RBPJ: variants seen among roughly 807,000 people sequenced by gnomAD.
RBPJ encodes the protein recombining binding protein suppressor of hairless.
In RBPJ, 9 loss-of-function variants were observed where a neutral mutation model predicts 67.8. The ratio of observed to expected loss-of-function variants is 0.13; its 90% CI spans 0.08 to 0.23. The LOEUF is 0.23. RBPJ is among the 10% of genes least tolerant of loss of function. The pLI is 1.00. For missense variants in RBPJ, 305 were observed against 595.6 expected (o/e 0.51, Z 5.08); for synonymous variants, 198 against 203.3 (o/e 0.97, Z 0.22).
intron 1 of RBPJ, among the ~76,000 whole-genome samples, chr4:26,174,193 C>A (rs1199723963): frequency 6.6e-6 from 1 of 152,212 alleles, no homozygotes; most frequent in African/African-American, 2.4e-5. Context: ...TGAACTCAGA[C>A]AGCTCGGGCT....
chr4:26,240,383 C>A (rs1373855801), intron 1 of RBPJ, among the ~76,000 whole-genome samples: 1 of 152,160 alleles, frequency 6.6e-6, no homozygotes, highest in Non-Finnish European at 1.5e-5. Flanking sequence ...CTAAACTATA[C>A]CCTCCTCTCC....
At chr4:26,223,337 A>G (rs1284670579) in intron 1 of RBPJ, among the ~76,000 whole-genome samples, 1 of 152,186 alleles carries the variant, frequency 6.6e-6, no homozygotes, top group Non-Finnish European at 1.5e-5. Flanking sequence ...ATGAACAGAT[A>G]GGAATGTACA....
intron 1 of RBPJ, among the ~76,000 whole-genome samples, chr4:26,209,877 C>T (rs1718323717): frequency 6.7e-6 from 1 of 148,238 alleles, no homozygotes; most frequent in South Asian, 2.1e-4. Flanking sequence ...CCCTCTCTCC[C>T]TTCCTTGCTT....
At chr4:26,165,221 C>G (rs759723214) in intron 1 of RBPJ, among the ~76,000 whole-genome samples, 12 of 152,186 alleles carry the variant, frequency 7.9e-5, no homozygotes, top group Non-Finnish European at 1.8e-4. Flanking sequence ...GACATCCAAT[C>G]TCAGCCTTAC....
At chr4:26,154,795 T>C in the RBPJ span, among the ~76,000 whole-genome samples, 27 of 152,182 alleles carry the variant, frequency 1.8e-4, no homozygotes, top group Non-Finnish European at 1.2e-4. Context: ...GTGTGTCCCA[T>C]AGCAAGGGAG....
intron 1 of RBPJ, among the ~76,000 whole-genome samples, chr4:26,266,227 G>C (rs1294811174): frequency 6.6e-6 from 1 of 152,114 alleles, no homozygotes; most frequent in Admixed American, 6.5e-5. Context: ...TGGAAAAGAG[G>C]CTTGTTGGAT....
chr4:26,124,461 T>TATATAC, the RBPJ span, among the ~76,000 whole-genome samples: 9 of 121,336 alleles, frequency 7.4e-5, no homozygotes, highest in East Asian at 5.4e-4. Flanking sequence ...TATATATATA[T>TATATAC]ACCAGTTTCT....
intron 1 of RBPJ, among the ~76,000 whole-genome samples, chr4:26,255,588 G>T (rs1304007785): frequency 6.7e-6 from 1 of 149,224 alleles, no homozygotes; most frequent in Non-Finnish European, 1.5e-5. Context: ...GGATCACGAG[G>T]TCGGGAGATC....
At chr4:26,201,814 A>G (rs1717989946) in intron 1 of RBPJ, among the ~76,000 whole-genome samples, 1 of 152,222 alleles carries the variant, frequency 6.6e-6, no homozygotes, top group Admixed American at 6.5e-5. Context: ...CTCTTGGTTT[A>G]TTCTTGCCCC....
At chr4:26,173,792 G>A (rs1234721611) in intron 1 of RBPJ, among the ~76,000 whole-genome samples, 3 of 152,236 alleles carry the variant, frequency 2.0e-5, no homozygotes, top group Non-Finnish European at 4.4e-5. Context: ...CACGGGCTGG[G>A]CACTGGACTA....
At chr4:26,249,552 T>C (rs1316268608) in intron 1 of RBPJ, among the ~76,000 whole-genome samples, 1 of 151,794 alleles carries the variant, frequency 6.6e-6, no homozygotes, top group Non-Finnish European at 1.5e-5. Flanking sequence ...TCCCAGCTAC[T>C]TGGGAGGCTG....
chr4:26,357,563 T>C (rs1174522659), intron 1 of RBPJ, among the ~76,000 whole-genome samples: 1 of 152,222 alleles, frequency 6.6e-6, no homozygotes, highest in Non-Finnish European at 1.5e-5. Context: ...AGTTTATTTA[T>C]TGTAGCAAAA....
intron 1 of RBPJ, among the ~76,000 whole-genome samples, chr4:26,189,309 T>A (rs999137589): frequency 2.0e-5 from 3 of 152,136 alleles, no homozygotes; most frequent in African/African-American, 7.2e-5. Flanking sequence ...AAACTACATC[T>A]CTATACTGCA....
intron 5 of RBPJ, among the ~76,000 whole-genome samples, chr4:26,421,324 A>G (rs1410551120): frequency 1.3e-5 from 2 of 148,626 alleles, no homozygotes; most frequent in African/African-American, 2.5e-5. Context: ...TTTTTTTGAG[A>G]TGGACTCTTA....
At chr4:26,262,743 G>A (rs1560234497) in intron 1 of RBPJ, among the ~76,000 whole-genome samples, 1 of 152,112 alleles carries the variant, frequency 6.6e-6, no homozygotes, top group African/African-American at 2.4e-5. Flanking sequence ...CCTCTATTGA[G>A]CTTTTCAACC....
the RBPJ span, among the ~76,000 whole-genome samples, chr4:26,109,575 CTCTCTA>C: frequency 6.7e-4 from 37 of 55,350 alleles, 3 homozygotes; most frequent in Admixed American, 4.7e-3. Context: ...CTCTCTCTCT[CTCTCTA>C]TATATATATA....
intron 1 of RBPJ, among the ~76,000 whole-genome samples, chr4:26,165,206 A>T (rs1577424090): frequency 6.6e-6 from 1 of 152,204 alleles, no homozygotes; most frequent in Non-Finnish European, 1.5e-5. Flanking sequence ...TAGTACAGAA[A>T]TTTGGACATC....
the RBPJ span, among the ~76,000 whole-genome samples, chr4:26,138,328 C>A: frequency 2.0e-5 from 3 of 152,076 alleles, no homozygotes; most frequent in African/African-American, 7.2e-5. Context: ...TCTTCTGCTG[C>A]CCCTGCCTCT....
At chr4:26,202,919 A>T (rs1281757828) in intron 1 of RBPJ, among the ~76,000 whole-genome samples, 2 of 150,964 alleles carry the variant, frequency 1.3e-5, no homozygotes, top group Admixed American at 1.3e-4. Context: ...TGTCAAAAAA[A>T]AAAGAAAAAG....
Sources: gnomAD v4.1 joint callset for allele counts (sites outside exome capture counted in the v4.1 genomes callset) on GRCh38, gnomAD v4.1.1 for gene constraint, MANE v1.5 for transcripts, NCBI Gene and HGNC (gene_info 2026-07-23, HGNC 2026-07-21) for gene names.